Variants in SLC5A1 observed in about 807,000 individuals in gnomAD.
SLC5A1 encodes the protein sodium/glucose cotransporter 1.
A neutral mutation model predicts 73.5 loss-of-function variants in SLC5A1; 42 were observed. The ratio of observed to expected loss-of-function variants is 0.57; its 90% CI spans 0.45 to 0.74. The LOEUF is 0.74. SLC5A1 is among the 30% of genes least tolerant of loss of function. The probability of loss-of-function intolerance (pLI) is 0.00; values close to 1 mark genes in which losing one functional copy is unlikely to be tolerated. For missense variants in SLC5A1, 634 were observed against 855.4 expected (o/e 0.74, Z 3.23); for synonymous variants, 300 against 317.4 (o/e 0.95, Z 0.58).
At chr22:32,084,773 G>GT in intron 8 of SLC5A1, 114 bp downstream of exon 8, 2 of 1,521,700 alleles carry the variant, frequency 1.3e-6, no homozygotes, top group Non-Finnish European at 1.8e-6. Flanking sequence ...CAGGTGGTTT[G>GT]TAAGTTGCCA....
intron 2 of SLC5A1, among the ~76,000 whole-genome samples, chr22:32,061,192 G>A (rs1250635072): frequency 6.6e-6 from 1 of 152,186 alleles, no homozygotes; most frequent in East Asian, 1.9e-4. Context: ...GGGAGGCTGA[G>A]GCGGGCAGAT....
chr22:32,060,130 C>CGT (rs1555962051), intron 2 of SLC5A1, among the ~76,000 whole-genome samples: 2 of 70,296 alleles, frequency 2.8e-5, no homozygotes, highest in Non-Finnish European at 7.2e-5. Context: ...TACATACACA[C>CGT]ATATATATAC....
chr22:32,076,268 A>G (rs1423830772), intron 5 of SLC5A1, among the ~76,000 whole-genome samples: 1 of 152,206 alleles, frequency 6.6e-6, no homozygotes, highest in African/African-American at 2.4e-5. Flanking sequence ...TTGGTCACGT[A>G]TTTTTGGGCT....
intron 5 of SLC5A1, among the ~76,000 whole-genome samples, chr22:32,079,911 C>T (rs2093996900): frequency 6.6e-6 from 1 of 152,220 alleles, no homozygotes; most frequent in Non-Finnish European, 1.5e-5. Flanking sequence ...TCTTGGGCTA[C>T]TGCAGAGGGC....
intron 2 of SLC5A1, among the ~76,000 whole-genome samples, chr22:32,064,325 G>A (rs561938209): frequency 4.9e-4 from 74 of 151,908 alleles, no homozygotes; most frequent in African/African-American, 1.5e-3. Context: ...GCGAACCCCC[G>A]TCTCTACAAA....
chr22:32,069,467 C>T (rs907075899), intron 5 of SLC5A1, among the ~76,000 whole-genome samples: 12 of 151,576 alleles, frequency 7.9e-5, no homozygotes, highest in African/African-American at 2.9e-4. Flanking sequence ...GAGATGGGAA[C>T]CCCAGGTGTT....
intron 2 of SLC5A1, among the ~76,000 whole-genome samples, chr22:32,055,144 G>A (rs1385554511): frequency 6.6e-6 from 1 of 152,210 alleles, no homozygotes; most frequent in African/African-American, 2.4e-5. Context: ...GTGGGAAAAT[G>A]TCAGTGGTTT....
At chr22:32,073,054 G>A (rs931825293) in intron 5 of SLC5A1, among the ~76,000 whole-genome samples, 13 of 152,038 alleles carry the variant, frequency 8.6e-5, no homozygotes, top group African/African-American at 2.7e-4. Flanking sequence ...AGTTCAATTT[G>A]TCTATTTTAT....
intron 2 of SLC5A1, among the ~76,000 whole-genome samples, chr22:32,058,617 C>G (rs931009800): frequency 6.6e-6 from 1 of 152,096 alleles, no homozygotes; most frequent in Non-Finnish European, 1.5e-5. Context: ...CGACAACTTT[C>G]CAGAAAAATG....
rs2094000407 is a variant in SLC5A1, at chr22:32,081,868, A to G, written c.480A>G (p.Ala160=). 1.2e-6 allele frequency: 2 copies of G among 1,609,696 alleles called. No individual in the cohort carries two copies. Among genetic ancestry groups the G allele is most frequent in the Non-Finnish European group, 1.7e-6 (2 of 1,176,624 alleles). Residue 160 remains alanine, a splice_region_variant and synonymous_variant, in exon 6 of 15, where the codon GCA becomes GCG. Transcript: ENST00000266088. The stretch of plus-strand genomic sequence containing the variant: ...CTCCGCCTCTCCTCTCCTTCCAGGC[A>G]GACATCTTCTCGGGGGCCATATTCA... ...LLLYIFTKIS[A]DIFSGAIFIN...
chr22:32,046,454 A>G (rs1430127866), intron 1 of SLC5A1, among the ~76,000 whole-genome samples: 2 of 151,480 alleles, frequency 1.3e-5, no homozygotes, highest in Admixed American at 6.6e-5. Context: ...TCACCTGAAC[A>G]CTTCCAGTAG....
At chr22:32,079,263 G>A (rs1414328956) in intron 5 of SLC5A1, among the ~76,000 whole-genome samples, 2 of 152,142 alleles carry the variant, frequency 1.3e-5, no homozygotes, top group African/African-American at 4.8e-5. Context: ...CTTAGCTAAG[G>A]TATTCCCAGC....
chr22:32,049,563 G>A (rs1051278571), intron 1 of SLC5A1, among the ~76,000 whole-genome samples: 5 of 150,020 alleles, frequency 3.3e-5, no homozygotes, highest in Non-Finnish European at 7.4e-5. Flanking sequence ...CTACTCAGGA[G>A]GCTAAAATAA....
At chr22:32,098,176 C>A (rs529135696) in intron 11 of SLC5A1, among the ~76,000 whole-genome samples, 2 of 152,316 alleles carry the variant, frequency 1.3e-5, no homozygotes, top group East Asian at 1.9e-4. Context: ...ACCCTATAAT[C>A]CAGCAGTATC....
At position 32,081,884 on chromosome 22, in the gene SLC5A1, G is replaced by A; in HGVS notation, c.496G>A (p.Ala166Thr). ...TKISADIFSG[A>T]IFINLALGLN... ...CTTCCAGGCAGACATCTTCTCGGGGGCCATATTCATCAATCTGGCCTTAGG... is the reference window on the plus strand; with the variant it reads ...CTTCCAGGCAGACATCTTCTCGGGGACCATATTCATCAATCTGGCCTTAGG... The change falls in exon 6 of 15, where the codon GCC becomes ACC. Residue 166 changes from alanine (A) to threonine (T), a missense_variant. This residue lies in a region of SLC5A1 where 422 missense variants were observed against 626.1 expected (regional missense o/e 0.67). Coordinates refer to ENST00000266088, the MANE Select transcript of SLC5A1 (RefSeq NM_000343.4). 1 of 1,612,960 alleles carries A rather than the reference G, an allele frequency of 6.2e-7. No individual in the cohort carries two copies. Among genetic ancestry groups the A allele is most frequent in the Non-Finnish European group, 8.5e-7 (1 of 1,179,350 alleles).
At chr22:32,052,715 T>C (rs1233294575) in intron 2 of SLC5A1, among the ~76,000 whole-genome samples, 1 of 152,144 alleles carries the variant, frequency 6.6e-6, no homozygotes, top group Admixed American at 6.5e-5. Context: ...CCTACGCTTT[T>C]CTTAATTTTT....
intron 5 of SLC5A1, among the ~76,000 whole-genome samples, chr22:32,072,958 G>T (rs1410449386): frequency 6.6e-6 from 1 of 152,000 alleles, no homozygotes; most frequent in African/African-American, 2.4e-5. Context: ...TATATGACTT[G>T]CAAAAATTTT....
intron 2 of SLC5A1, among the ~76,000 whole-genome samples, chr22:32,057,588 G>A (rs2093953801): frequency 6.6e-6 from 1 of 152,104 alleles, no homozygotes; most frequent in Non-Finnish European, 1.5e-5. Context: ...CTTGATGCCT[G>A]GATTTGTGAT....
intron 2 of SLC5A1, among the ~76,000 whole-genome samples, chr22:32,056,160 T>C (rs958591119): frequency 2.0e-5 from 3 of 152,166 alleles, no homozygotes; most frequent in African/African-American, 7.2e-5. Context: ...TACCTGGGAC[T>C]ACAGGTGCGT....
Sources: allele counts gnomAD v4.1 joint callset (sites outside exome capture counted in the v4.1 genomes callset), GRCh38; gene constraint gnomAD v4.1.1; regional missense constraint gnomAD v4.1.1; transcripts MANE v1.5; gene names NCBI Gene and HGNC (gene_info 2026-07-23, HGNC 2026-07-21).